FBXO3: variants seen among roughly 807,000 people sequenced by gnomAD.
The protein encoded by FBXO3 is F-box only protein 3.
Under a neutral mutation model 64.8 loss-of-function variants are expected in FBXO3, and 17 were observed. That is an observed-to-expected ratio of 0.26 (90% CI 0.18 to 0.39). FBXO3 has a LOEUF of 0.39. Among genes scored for constraint, FBXO3 ranks in the 10% least tolerant of loss-of-function variants. The probability of loss-of-function intolerance (pLI) is 1.00; values close to 1 mark genes in which losing one functional copy is unlikely to be tolerated. For synonymous variants in FBXO3, 182 were observed against 201.6 expected (o/e 0.90, Z 0.82); for missense variants, 420 against 589.9 (o/e 0.71, Z 2.98).
chr11:33,749,755 T>C (rs1854908730), intron 8 of FBXO3, among the ~76,000 whole-genome samples: 1 of 152,220 alleles, frequency 6.6e-6, no homozygotes, highest in African/African-American at 2.4e-5. Context: ...GAGTACCCTA[T>C]AAGTATGTGT....
chr11:33,747,876 TAAA>T (rs60328389), intron 9 of FBXO3, among the ~76,000 whole-genome samples: 1 of 106,700 alleles, frequency 9.4e-6, no homozygotes, highest in Non-Finnish European at 2.0e-5. Context: ...AAGTATCTAG[TAAA>T]AAAAAAAAAA....
chr11:33,766,763 T>C (rs938917684), intron 3 of FBXO3, among the ~76,000 whole-genome samples: 2 of 152,130 alleles, frequency 1.3e-5, no homozygotes, highest in East Asian at 1.9e-4. Flanking sequence ...GCAGCTGAGG[T>C]GAGCAGCTAG....
At chr11:33,758,830 A>G (rs1038325520) in intron 3 of FBXO3, among the ~76,000 whole-genome samples, 1 of 152,198 alleles carries the variant, frequency 6.6e-6, no homozygotes, top group African/African-American at 2.4e-5. Flanking sequence ...AAACATGGAA[A>G]GTGGGCACCA....
At chr11:33,766,424 A>G (rs1855373493) in intron 3 of FBXO3, among the ~76,000 whole-genome samples, 1 of 152,224 alleles carries the variant, frequency 6.6e-6, no homozygotes, top group Admixed American at 6.5e-5. Context: ...TTATTTATGC[A>G]TCATCTTTGG....
intron 3 of FBXO3, 164 bp downstream of exon 3, chr11:33,768,687 A>C: frequency 2.7e-6 from 2 of 747,912 alleles, no homozygotes; most frequent in Non-Finnish European, 4.7e-6. Flanking sequence ...CAGGGTAAGC[A>C]CTAGAGTGAA....
At chr11:33,761,587 T>C (rs376910668) in intron 3 of FBXO3, among the ~76,000 whole-genome samples, 1 of 152,214 alleles carries the variant, frequency 6.6e-6, no homozygotes, top group Non-Finnish European at 1.5e-5. Flanking sequence ...ACAGTGGCTG[T>C]AGTTTTCTCC....
chr11:33,754,520 C>T lies in FBXO3; in HGVS notation c.679-20G>A, dbSNP rs375007014. 3.2e-6 allele frequency: 5 copies of T among 1,555,272 alleles called. No homozygotes were observed. Among genetic ancestry groups the T allele is most frequent in the Non-Finnish European group, 3.5e-6 (4 of 1,149,840 alleles). ...TTGGTCCTAGGTGAGAAAAAGAATACAATCGATAAAAACACATTTTACTTA... is the reference window on the plus strand; with the variant it reads ...TTGGTCCTAGGTGAGAAAAAGAATATAATCGATAAAAACACATTTTACTTA... On this transcript the variant is annotated intron_variant, in intron 5 of 10. Coordinates refer to ENST00000265651, the MANE Select transcript of FBXO3 (RefSeq NM_012175.4).
intron 9 of FBXO3, 62 bp from the exon 10 acceptor site, chr11:33,747,382 A>C: frequency 7.5e-7 from 1 of 1,332,670 alleles, no homozygotes; most frequent in South Asian, 1.2e-5. Flanking sequence ...TACAATAAAT[A>C]AGGTATGGTC....
chr11:33,757,263 G>T (rs1473929824), intron 4 of FBXO3, among the ~76,000 whole-genome samples: 2 of 151,914 alleles, frequency 1.3e-5, no homozygotes, highest in African/African-American at 4.8e-5. Context: ...AAAAGGAGTA[G>T]ACCCATTCAA....
rs745812963 is a variant in FBXO3 at position 33,758,521 on chromosome 11, G to T, written c.439C>A (p.Arg147=). The T allele has an allele frequency of 6.2e-7, 1 of 1,606,582 alleles. No individual in the cohort carries two copies. The highest frequency in any genetic ancestry group is 1.1e-5 in the South Asian group (1 of 90,372). Reference sequence around the variant, plus strand: ...ACTAACTTCTGTCCATTGTGAATTCGGTATGAACATCGATAATCGTCAGGA... The same window carrying T: ...ACTAACTTCTGTCCATTGTGAATTCTGTATGAACATCGATAATCGTCAGGA... ...KLPDDYRCSY[R]IHNGQKLVVP... is the part of the protein sequence containing the mutation. Residue 147 remains arginine, a synonymous_variant, in exon 4 of 11, where the codon CGA becomes AGA. Transcript: ENST00000265651.
intron 3 of FBXO3, among the ~76,000 whole-genome samples, chr11:33,762,773 G>T (rs538144850): frequency 6.8e-5 from 10 of 147,466 alleles, no homozygotes; most frequent in African/African-American, 2.5e-4. Flanking sequence ...AGACATCAAA[G>T]AAATTAATGA....
intron 6 of FBXO3, among the ~76,000 whole-genome samples, chr11:33,752,888 T>A (rs1854998387): frequency 6.6e-6 from 1 of 152,246 alleles, no homozygotes; most frequent in African/African-American, 2.4e-5. Flanking sequence ...TGGCATGGTG[T>A]ATTTTAATCT....
chr11:33,770,432 A>G (rs1286306019), intron 2 of FBXO3, among the ~76,000 whole-genome samples: 1 of 152,280 alleles, frequency 6.6e-6, no homozygotes, highest in African/African-American at 2.4e-5. Flanking sequence ...AGAAAGGTCC[A>G]GCAGACAGTT....
chr11:33,770,865 AAAGT>A, intron 1 of FBXO3, 35 bp from the exon 2 acceptor site: 1 of 1,459,478 alleles, frequency 6.9e-7, no homozygotes, highest in Non-Finnish European at 9.4e-7. Context: ...AGTATTTAAA[AAAGT>A]AAGAAAACAA....
rs200033726 is a variant in FBXO3 at position 33,748,089 on chromosome 11, T to C, written c.1048+688A>G. ...GCATTCAGACCAGACAAAATGGCAC[T>C]CACAAGGGAGAGTCCTTATACCACT... is the stretch of plus-strand genomic sequence containing the variant. On this transcript the variant is annotated intron_variant, in intron 9 of 10. Transcript: ENST00000265651. Among the ~76,000 whole-genome samples, 134 of 152,174 alleles carry C rather than the reference T, an allele frequency of 8.8e-4. 3 individuals are homozygous for C. In the East Asian group the frequency reaches 0.019, roughly 22 times the overall value.
chr11:33,742,400 C>A (rs1854708778), intron 10 of FBXO3: 3 of 176,642 alleles, frequency 1.7e-5, no homozygotes, highest in Non-Finnish European at 3.6e-5. Flanking sequence ...AACTCCTGGG[C>A]TCAAGCAGTT....
chr11:33,751,924 T>C (rs998301199), intron 6 of FBXO3, among the ~76,000 whole-genome samples: 5 of 152,240 alleles, frequency 3.3e-5, no homozygotes, highest in Middle Eastern at 3.2e-3. Flanking sequence ...ATGAAAAGCC[T>C]TCTGTCTGTA....
intron 4 of FBXO3, among the ~76,000 whole-genome samples, chr11:33,757,674 A>AAAAAAAAAAAAC (rs1232157620): frequency 7.0e-6 from 1 of 142,658 alleles, no homozygotes; most frequent in Non-Finnish European, 1.5e-5. Context: ...AAAAAAAAAA[A>AAAAAAAAAAAAC]AAAAAAAGTC....
In FBXO3 at chr11:33,741,885, T is replaced by C. The variant is rs1249510408; in HGVS notation, c.*23A>G. On this transcript the variant is annotated 3_prime_UTR_variant, in exon 11 of 11. Transcript: ENST00000265651. The stretch of plus-strand genomic sequence containing the variant: ...ATTTAACAGCCTAGAATCATCCTAG[T>C]GCTTCCATCAGCAGAAGGCTTGCTA... 5 of 1,603,010 alleles carry C rather than the reference T, an allele frequency of 3.1e-6. No individual in the cohort carries two copies. Among genetic ancestry groups the C allele is most frequent in the Non-Finnish European group, 4.3e-6 (5 of 1,174,994 alleles).
Sources: allele counts gnomAD v4.1 joint callset (sites outside exome capture counted in the v4.1 genomes callset), GRCh38; gene constraint gnomAD v4.1.1; transcripts MANE v1.5; gene names NCBI Gene and HGNC (gene_info 2026-07-23, HGNC 2026-07-21).